Variants in SNX29 observed in about 807,000 individuals in gnomAD.
The protein encoded by SNX29 is sorting nexin-29.
A neutral mutation model predicts 102.1 loss-of-function variants in SNX29; 78 were observed. That is an observed-to-expected ratio of 0.76 (90% confidence interval 0.64 to 0.92). The LOEUF (loss-of-function observed/expected upper bound fraction) is 0.92, where lower values mean the gene tolerates loss of function less well. SNX29 is among the 40% of genes least tolerant of loss of function. The pLI is 0.00. For synonymous variants in SNX29, 580 were observed against 414.5 expected (o/e 1.40, Z -4.85); for missense variants, 1,280 against 1,061.7 (o/e 1.21, Z -2.86).
intron 1 of SNX29, among the ~76,000 whole-genome samples, chr16:11,988,161 G>C (rs1011806985): frequency 6.6e-6 from 1 of 152,036 alleles, no homozygotes; most frequent in Non-Finnish European, 1.5e-5. Context: ...GGGTGTGGTG[G>C]CGGGTGCCTG....
chr16:12,409,978 G>A (rs961529386), intron 18 of SNX29, among the ~76,000 whole-genome samples: 2 of 151,620 alleles, frequency 1.3e-5, no homozygotes, highest in East Asian at 1.9e-4. Context: ...TCAGCAAAGC[G>A]TTTTTTTTGT....
chr16:12,565,645 G>C (rs973787120), intron 20 of SNX29, among the ~76,000 whole-genome samples: 1 of 152,182 alleles, frequency 6.6e-6, no homozygotes, highest in African/African-American at 2.4e-5. Context: ...GACACATATA[G>C]CCTCGTGACA....
chr16:12,494,801 T>C (rs942216260), intron 19 of SNX29, among the ~76,000 whole-genome samples: 7 of 152,204 alleles, frequency 4.6e-5, no homozygotes, highest in African/African-American at 1.2e-4. Flanking sequence ...AGAGGAGCCT[T>C]TGATGCTGGC....
chr16:12,384,085 T>C (rs915345179), intron 16 of SNX29, among the ~76,000 whole-genome samples: 1 of 152,240 alleles, frequency 6.6e-6, no homozygotes, highest in Non-Finnish European at 1.5e-5. Flanking sequence ...TACCCCACTG[T>C]GTATATGTAC....
intron 16 of SNX29, among the ~76,000 whole-genome samples, chr16:12,362,517 G>C (rs1369272692): frequency 7.0e-6 from 1 of 142,382 alleles, no homozygotes; most frequent in East Asian, 2.1e-4. Context: ...TTATGAATTT[G>C]ACAACTGAGT....
At chr16:11,987,406 T>A (rs2055673878) in intron 1 of SNX29, among the ~76,000 whole-genome samples, 1 of 139,670 alleles carries the variant, frequency 7.2e-6, no homozygotes, top group African/African-American at 2.8e-5. Flanking sequence ...TTTTACTCTT[T>A]TTTTTTTTTT....
intron 15 of SNX29, among the ~76,000 whole-genome samples, chr16:12,312,171 A>G (rs2080577544): frequency 6.6e-6 from 1 of 152,172 alleles, no homozygotes; most frequent in Admixed American, 6.5e-5. Flanking sequence ...TCAAAGGCAA[A>G]AAGGATATTG....
chr16:12,446,880 T>C (rs1201953840), intron 18 of SNX29, among the ~76,000 whole-genome samples: 2 of 151,958 alleles, frequency 1.3e-5, no homozygotes, highest in African/African-American at 4.8e-5. Context: ...ATATGTAAAA[T>C]AGGAGCCAGG....
rs1029842550 is a variant in SNX29, at chr16:12,573,423, G to A, written c.*4794G>A. ...CTATAGAGAAGTGAAAAAGAAATCT[G>A]GCTTCCTTAATAAGATAGTTGAGCC... On this transcript the variant is annotated 3_prime_UTR_variant, in exon 21 of 21. Transcript: ENST00000566228. 1 of 223,452 alleles carries A rather than the reference G, an allele frequency of 4.5e-6. No individual in the cohort carries two copies. The highest frequency in any genetic ancestry group is 8.9e-6 in the Non-Finnish European group (1 of 112,070). 13.8% of individuals were successfully genotyped at this position (223,452 alleles called of 1,614,324 possible). A position where few individuals can be genotyped will look rare whatever the true frequency, so the allele number is the denominator to read the frequency against.
At chr16:12,002,897 C>A in intron 2 of SNX29, 94 bp from the exon 3 acceptor site, 1 of 1,421,286 alleles carries the variant, frequency 7.0e-7, no homozygotes, top group Admixed American at 1.8e-5. Context: ...TCCCGTGTCC[C>A]CTCCCTGACC....
chr16:12,290,708 C>G (rs7191145), intron 15 of SNX29, among the ~76,000 whole-genome samples: 1,632 of 152,266 alleles, frequency 0.011, 24 homozygotes, highest in African/African-American at 0.037. Context: ...TTCCTAGTCT[C>G]CTTTATGGGT....
At chr16:12,565,743 C>A (rs73512031) in intron 20 of SNX29, among the ~76,000 whole-genome samples, 1 of 152,230 alleles carries the variant, frequency 6.6e-6, no homozygotes, top group Non-Finnish European at 1.5e-5. Context: ...CACCCCCTCC[C>A]CATGGGCCTG....
In SNX29 at chr16:12,015,138, C is replaced by G. The variant is rs79767727; in HGVS notation, c.122+12095C>G. 3.9e-4 allele frequency among the ~76,000 whole-genome samples: 59 copies of G among 152,180 alleles called. 1 individual carries two copies. The East Asian group carries it at 5.8e-3, about 15-fold the overall frequency. ...ATGTATATATACACATATATGTAGC[C>G]TTATTGCCATTGTTTTACAAAAATA... is the stretch of plus-strand genomic sequence containing the variant. On this transcript the variant is annotated intron_variant, in intron 3 of 20. Coordinates refer to ENST00000566228, the MANE Select transcript of SNX29 (RefSeq NM_032167.5).
intron 18 of SNX29, among the ~76,000 whole-genome samples, chr16:12,451,892 A>T (rs2086315314): frequency 6.6e-6 from 1 of 152,194 alleles, no homozygotes. Context: ...GATGGTTTCT[A>T]ACCAAACTGG....
chr16:12,465,634 C>G (rs1321351598), intron 18 of SNX29, among the ~76,000 whole-genome samples: 1 of 152,170 alleles, frequency 6.6e-6, no homozygotes, highest in African/African-American at 2.4e-5. Context: ...AAATCAGGGA[C>G]TGTGATACCT....
intron 8 of SNX29, among the ~76,000 whole-genome samples, chr16:12,058,562 C>T (rs956022905): frequency 2.2e-5 from 3 of 134,148 alleles, no homozygotes; most frequent in East Asian, 4.4e-4. Flanking sequence ...GGCGGGATCT[C>T]AGCTCACTGC....
intron 15 of SNX29, among the ~76,000 whole-genome samples, chr16:12,328,205 C>G (rs1026213349): frequency 6.6e-6 from 1 of 152,298 alleles, no homozygotes; most frequent in African/African-American, 2.4e-5. Flanking sequence ...TCTAGTTGTT[C>G]TTTTATCCTA....
At chr16:12,217,361 C>T (rs1305915036) in intron 14 of SNX29, among the ~76,000 whole-genome samples, 1 of 152,186 alleles carries the variant, frequency 6.6e-6, no homozygotes, top group African/African-American at 2.4e-5. Context: ...TGTTAGCAGC[C>T]ACTGTGCTTT....
chr16:12,518,533 C>T (rs919556225), intron 19 of SNX29, among the ~76,000 whole-genome samples: 23 of 152,216 alleles, frequency 1.5e-4, no homozygotes, highest in African/African-American at 5.5e-4. Flanking sequence ...TCAGGGGCTG[C>T]TTCCTTGCAG....
Sources: gnomAD v4.1 joint callset for allele counts (sites outside exome capture counted in the v4.1 genomes callset) on GRCh38, gnomAD v4.1.1 for gene constraint, MANE v1.5 for transcripts, NCBI Gene and HGNC (gene_info 2026-07-23, HGNC 2026-07-21) for gene names.